PEBP4: variants seen among roughly 807,000 people sequenced by gnomAD.
PEBP4 encodes the protein phosphatidylethanolamine binding protein 4.
Under a neutral mutation model 23.9 loss-of-function variants are expected in PEBP4, and 22 were observed. The observed-to-expected ratio is 0.92, with a 90% CI of 0.66 to 1.31. The LOEUF (loss-of-function observed/expected upper bound fraction) is 1.31, where lower values mean the gene tolerates loss of function less well. Ranked by LOEUF, PEBP4 falls within the 40% of genes most tolerant of loss-of-function variation. PEBP4 has a pLI of 0.00. For synonymous variants in PEBP4, 112 were observed against 99.3 expected (o/e 1.13, Z -0.76); for missense variants, 324 against 281.7 (o/e 1.15, Z -1.07).
At chr8:22,805,274 T>C (rs1025976943) in intron 4 of PEBP4, among the ~76,000 whole-genome samples, 1 of 152,228 alleles carries the variant, frequency 6.6e-6, no homozygotes, top group African/African-American at 2.4e-5. Flanking sequence ...ATGTAAACTA[T>C]GGACTTTGGG....
intron 4 of PEBP4, among the ~76,000 whole-genome samples, chr8:22,739,264 G>A (rs1219851522): frequency 1.3e-5 from 2 of 152,192 alleles, no homozygotes; most frequent in Non-Finnish European, 2.9e-5. Context: ...GAGGCTGCAG[G>A]TCACCTTGCC....
chr8:22,820,400 G>C (rs1806833574), intron 3 of PEBP4, among the ~76,000 whole-genome samples: 1 of 152,154 alleles, frequency 6.6e-6, no homozygotes, highest in African/African-American at 2.4e-5. Context: ...TGAGTATGAA[G>C]GAAGAGAAGG....
intron 3 of PEBP4, among the ~76,000 whole-genome samples, chr8:22,903,679 T>C (rs1367035550): frequency 6.6e-6 from 1 of 152,168 alleles, no homozygotes; most frequent in Admixed American, 6.5e-5. Context: ...AATTCCAACT[T>C]GTAGCTGCCT....
intron 3 of PEBP4, among the ~76,000 whole-genome samples, chr8:22,872,652 A>C (rs1250422538): frequency 6.6e-6 from 1 of 152,110 alleles, no homozygotes; most frequent in Non-Finnish European, 1.5e-5. Flanking sequence ...ACTCTTAGCT[A>C]CTTTGATTTT....
chr8:22,766,923 GT>G (rs1305856744), intron 4 of PEBP4, among the ~76,000 whole-genome samples: 9 of 152,218 alleles, frequency 5.9e-5, no homozygotes, highest in African/African-American at 1.9e-4. Flanking sequence ...CCTTAGGTGA[GT>G]TATGGGACCT....
chr8:22,813,552 C>G (rs900847058), intron 4 of PEBP4, among the ~76,000 whole-genome samples: 1 of 152,054 alleles, frequency 6.6e-6, no homozygotes, highest in Non-Finnish European at 1.5e-5. Context: ...AAAAGATGCA[C>G]CAATAAGTGT....
intron 4 of PEBP4, among the ~76,000 whole-genome samples, chr8:22,773,541 C>T (rs1223841643): frequency 6.6e-6 from 1 of 152,086 alleles, no homozygotes; most frequent in Non-Finnish European, 1.5e-5. Context: ...CTCCTGGGGG[C>T]CTTTTCCTGG....
chr8:22,916,076 T>C (rs1809066120), intron 3 of PEBP4, among the ~76,000 whole-genome samples: 1 of 152,174 alleles, frequency 6.6e-6, no homozygotes, highest in Non-Finnish European at 1.5e-5. Context: ...ACCTGCTTTG[T>C]GAGGAGAAGA....
At chr8:22,846,710 C>T (rs1379434367) in intron 3 of PEBP4, among the ~76,000 whole-genome samples, 1 of 152,200 alleles carries the variant, frequency 6.6e-6, no homozygotes, top group Admixed American at 6.5e-5. Context: ...GTCTCCAGTT[C>T]CCTGCCCACA....
chr8:22,791,336 C>T (rs1563217358), intron 4 of PEBP4, among the ~76,000 whole-genome samples: 2 of 152,072 alleles, frequency 1.3e-5, no homozygotes, highest in Admixed American at 6.5e-5. Context: ...AGTTTTGAGC[C>T]GTACAAATAA....
intron 3 of PEBP4, among the ~76,000 whole-genome samples, chr8:22,839,389 G>A (rs1223618519): frequency 3.3e-5 from 5 of 152,158 alleles, no homozygotes; most frequent in Non-Finnish European, 7.3e-5. Context: ...TCAAGGCCTG[G>A]GGGAAAGGCT....
chr8:22,850,496 A>T (rs1435874905), intron 3 of PEBP4, among the ~76,000 whole-genome samples: 1 of 152,172 alleles, frequency 6.6e-6, no homozygotes, highest in Non-Finnish European at 1.5e-5. Flanking sequence ...GAGCTGTGAT[A>T]GGGCTGGGCA....
At chr8:22,777,673 T>G (rs181421064) in intron 4 of PEBP4, among the ~76,000 whole-genome samples, 1 of 152,194 alleles carries the variant, frequency 6.6e-6, no homozygotes, top group East Asian at 1.9e-4. Context: ...GGGTGGTGGC[T>G]GGGGCACCGG....
At chr8:22,779,449 C>T (rs1205925585) in intron 4 of PEBP4, among the ~76,000 whole-genome samples, 2 of 151,992 alleles carry the variant, frequency 1.3e-5, no homozygotes, top group African/African-American at 2.4e-5. Context: ...TCACGGAGGT[C>T]GCCAGGCAAA....
intron 4 of PEBP4, among the ~76,000 whole-genome samples, chr8:22,729,592 C>T (rs1416616516): frequency 6.6e-6 from 1 of 152,220 alleles, no homozygotes; most frequent in African/African-American, 2.4e-5. Flanking sequence ...TTCTTATCAA[C>T]CGGGGCCAGC....
intron 4 of PEBP4, among the ~76,000 whole-genome samples, chr8:22,795,874 A>G (rs1806248653): frequency 6.6e-6 from 1 of 152,242 alleles, no homozygotes; most frequent in Non-Finnish European, 1.5e-5. Context: ...TCAAAAAATC[A>G]ACACACATGG....
At chr8:22,876,165 C>T (rs1808118004) in intron 3 of PEBP4, among the ~76,000 whole-genome samples, 2 of 152,196 alleles carry the variant, frequency 1.3e-5, no homozygotes, top group Admixed American at 6.5e-5. Context: ...CCAGCCTCAG[C>T]CTCCCAAAGT....
intron 3 of PEBP4, among the ~76,000 whole-genome samples, chr8:22,910,819 G>A (rs922359279): frequency 3.3e-5 from 5 of 152,220 alleles, no homozygotes; most frequent in Admixed American, 6.5e-5. Flanking sequence ...GCATGAATAG[G>A]TGAAGCACGG....
chr8:22,845,948 G>A (rs1380449697), intron 3 of PEBP4, among the ~76,000 whole-genome samples: 1 of 152,362 alleles, frequency 6.6e-6, no homozygotes, highest in East Asian at 1.9e-4. Flanking sequence ...TTCTGCTCCT[G>A]TATTCCTGCT....
Sources: gnomAD v4.1 joint callset for allele counts (sites outside exome capture counted in the v4.1 genomes callset) on GRCh38, gnomAD v4.1.1 for gene constraint, MANE v1.5 for transcripts, NCBI Gene and HGNC (gene_info 2026-07-23, HGNC 2026-07-21) for gene names.